COL18A1: variants seen among roughly 807,000 people sequenced by gnomAD.
COL18A1 encodes collagen alpha-1(XVIII) chain.
Under a neutral mutation model 168.0 loss-of-function variants are expected in COL18A1, and 133 were observed. The observed-to-expected ratio is 0.79, with a 90% CI of 0.69 to 0.91. The LOEUF (loss-of-function observed/expected upper bound fraction) is 0.91, where lower values mean the gene tolerates loss of function less well. Among genes scored for constraint, COL18A1 ranks in the 40% least tolerant of loss-of-function variants. COL18A1 has a pLI of 0.00. For missense variants in COL18A1, 2,126 were observed against 1,925.4 expected, an observed-to-expected ratio of 1.10 and a Z score of -1.95; for synonymous variants, 949 against 809.0, an observed-to-expected ratio of 1.17 and a Z score of -2.94.
Position 45,480,469 on chromosome 21 carries a change from C to T in COL18A1, c.1401C>T (p.Thr467=), listed in dbSNP as rs776636116. 3.1e-6 allele frequency: 5 copies of T among 1,614,162 alleles called. No individual in the cohort carries two copies. Among genetic ancestry groups the T allele is most frequent in the Non-Finnish European group, 3.4e-6 (4 of 1,180,014 alleles). ...GTCTCTCCGGCTCTTTTCCTCAGAC[C>T]TTCATTGACATGGAGGGATCTGGCT... The part of the protein sequence containing the change: ...PGPSFRHDKL[T]FIDMEGSGFG... Residue 467 remains threonine, a splice_region_variant and synonymous_variant, in exon 12 of 42, where the codon ACC becomes ACT. Coordinates refer to ENST00000651438, the MANE Select transcript of COL18A1 (RefSeq NM_001379500.1).
chr21:45,493,150 G>C lies in COL18A1; in HGVS notation c.2215-13G>C, dbSNP rs1299311124. The C allele has an allele frequency of 4.5e-6, 7 of 1,553,790 alleles. No individual in the cohort carries two copies. The highest frequency in any genetic ancestry group is 6.1e-6 in the Non-Finnish European group (7 of 1,148,902). On this transcript the variant is annotated splice_polypyrimidine_tract_variant and intron_variant, in intron 24 of 41. Coordinates refer to ENST00000651438, the MANE Select transcript of COL18A1 (RefSeq NM_001379500.1). Reference sequence around the variant, plus strand: ...CCAGCCGCTCGGGCCTCACGGCCTGGCCTCCATTCCAGGGACCTGCAGGAC... The same window carrying C: ...CCAGCCGCTCGGGCCTCACGGCCTGCCCTCCATTCCAGGGACCTGCAGGAC...
intron 2 of COL18A1, among the ~76,000 whole-genome samples, chr21:45,450,545 T>C (rs1341898131): frequency 6.6e-6 from 1 of 152,192 alleles, no homozygotes. Flanking sequence ...GTGTGGATGT[T>C]TGTACCTTTT....
Position 45,510,192 on chromosome 21 carries a change from G to T in COL18A1, c.3624G>T (p.Ser1208=). The stretch of plus-strand genomic sequence containing the variant: ...GCACCTTCCGCGCCTTCCTGTCCTC[G>T]CGCCTGCAGGACCTGTACAGCATCG... The part of the protein sequence containing the change: ...LAGTFRAFLS[S]RLQDLYSIVR... Residue 1208 remains serine, a synonymous_variant, in exon 40 of 42, where the codon TCG becomes TCT. Coordinates refer to ENST00000651438, the MANE Select transcript of COL18A1 (RefSeq NM_001379500.1). 1 of 1,599,142 alleles carries T rather than the reference G, an allele frequency of 6.3e-7. No homozygotes were observed. Among genetic ancestry groups the T allele is most frequent in the Non-Finnish European group, 8.5e-7 (1 of 1,173,852 alleles).
At chr21:45,494,656 G>A in intron 27 of COL18A1, 85 bp downstream of exon 27, 1 of 1,588,634 alleles carries the variant, frequency 6.3e-7, no homozygotes, top group African/African-American at 1.3e-5. Context: ...CTGAGCTTGT[G>A]CTGTGCGGCC....
rs1471988233 is a variant in COL18A1, at chr21:45,512,354, A to C, written c.3976A>C (p.Ile1326Leu). The C allele has an allele frequency of 1.2e-6, 2 of 1,612,730 alleles. No individual in the cohort carries two copies. Among genetic ancestry groups the C allele is most frequent in the Admixed American group, 1.7e-5 (1 of 60,014 alleles). The stretch of plus-strand genomic sequence containing the variant: ...TGCCGCGAGCTGCCATCACGCCTAC[A>C]TCGTGCTCTGCATTGAGAACAGCTT... ...QSAASCHHAY[I>L]VLCIENSFMT... Residue 1326 changes from isoleucine (I) to leucine (L), a missense_variant, in exon 42 of 42, where the codon ATC becomes CTC. Physicochemically the swap from Ile to Leu is conservative, Grantham distance 5. Transcript: ENST00000651438.
intron 2 of COL18A1, among the ~76,000 whole-genome samples, chr21:45,442,200 C>A (rs1010134233): frequency 1.3e-5 from 2 of 152,210 alleles, no homozygotes; most frequent in Non-Finnish European, 2.9e-5. Context: ...CTGGCCATGA[C>A]TGGATACCAC....
chr21:45,501,671 C>T (rs1216548407), intron 32 of COL18A1, among the ~76,000 whole-genome samples: 2 of 151,196 alleles, frequency 1.3e-5, no homozygotes, highest in East Asian at 3.9e-4. Context: ...CCGGTCACCT[C>T]CCTCTGCAGA....
chr21:45,506,088 C>G lies in COL18A1; in HGVS notation c.3216+122C>G, dbSNP rs10483080. On this transcript the variant is annotated intron_variant, in intron 37 of 41. Coordinates refer to ENST00000651438, the MANE Select transcript of COL18A1 (RefSeq NM_001379500.1). ...TGGGAGCAGGTGGCAGCCAGCGCTTCTTAAACTTTCAAACTTTTGGTAAAG... is the reference window on the plus strand; with the variant it reads ...TGGGAGCAGGTGGCAGCCAGCGCTTGTTAAACTTTCAAACTTTTGGTAAAG... The G allele has an allele frequency of 0.13, 188,530 of 1,472,470 alleles. 12,627 individuals are homozygous for G. The highest frequency in any genetic ancestry group is 0.19 in the Admixed American group (10,742 of 57,660). The allele number at this position is 1,472,470 out of a possible 1,614,324, so 91.2% of individuals were successfully genotyped here. A position where few individuals can be genotyped will look rare whatever the true frequency, so the allele number is the denominator to read the frequency against.
At chr21:45,458,989 C>T (rs950924892) in intron 2 of COL18A1, among the ~76,000 whole-genome samples, 2 of 152,202 alleles carry the variant, frequency 1.3e-5, no homozygotes, top group African/African-American at 4.8e-5. Context: ...GTGGCACAGC[C>T]TGATGGGGAC....
At chr21:45,478,197 C>T (rs548466108) in intron 8 of COL18A1, 130 bp from the exon 9 acceptor site, 6 of 1,229,934 alleles carry the variant, frequency 4.9e-6, no homozygotes, top group East Asian at 2.4e-5. Flanking sequence ...GGCGCGGGTG[C>T]GAGGACATCG....
chr21:45,432,663 T>A (rs2033994543), intron 2 of COL18A1, among the ~76,000 whole-genome samples: 1 of 152,216 alleles, frequency 6.6e-6, no homozygotes, highest in South Asian at 2.1e-4. Context: ...AATGGCCAGT[T>A]TCTGTGTGAT....
At chr21:45,500,392 GTGT>G (rs2036725570) in intron 32 of COL18A1, among the ~76,000 whole-genome samples, 2 of 126,520 alleles carry the variant, frequency 1.6e-5, no homozygotes, top group African/African-American at 7.6e-5. Flanking sequence ...TGTGTGGAGT[GTGT>G]GTATGTGGGT....
At chr21:45,470,702 G>T (rs1157554432) in intron 3 of COL18A1, among the ~76,000 whole-genome samples, 2 of 152,034 alleles carry the variant, frequency 1.3e-5, no homozygotes, top group Non-Finnish European at 2.9e-5. Flanking sequence ...GGTCAGGCTG[G>T]TCTCGAACTC....
At chr21:45,435,053 G>C (rs952173613) in intron 2 of COL18A1, among the ~76,000 whole-genome samples, 8 of 152,088 alleles carry the variant, frequency 5.3e-5, no homozygotes, top group Non-Finnish European at 1.0e-4. Context: ...ACCAAGGGCT[G>C]AAGGAAAGCC....
intron 2 of COL18A1, among the ~76,000 whole-genome samples, chr21:45,428,668 T>C (rs561482749): frequency 2.6e-5 from 4 of 152,260 alleles, no homozygotes; most frequent in South Asian, 2.1e-4. Context: ...TTTCCACCTC[T>C]GGATCGGCGG....
chr21:45,478,288 G>T (rs768139173), intron 8 of COL18A1, 39 bp from the exon 9 acceptor site: 2 of 1,613,978 alleles, frequency 1.2e-6, no homozygotes, highest in Admixed American at 1.7e-5. Flanking sequence ...CGCCGGAGGA[G>T]TCATTTCCCA....
chr21:45,453,875 G>A (rs891275091), intron 2 of COL18A1, among the ~76,000 whole-genome samples: 2 of 152,194 alleles, frequency 1.3e-5, no homozygotes, highest in Non-Finnish European at 2.9e-5. Context: ...TGGGGGGCAT[G>A]AATGTAGGGC....
intron 5 of COL18A1, among the ~76,000 whole-genome samples, 156 bp downstream of exon 5, chr21:45,475,691 G>C (rs888619758): frequency 6.6e-6 from 1 of 152,218 alleles, no homozygotes; most frequent in African/African-American, 2.4e-5. Context: ...TGCTGGGCTG[G>C]GCAGACGCTC....
At chr21:45,472,722 T>C (rs112897471) in intron 3 of COL18A1, among the ~76,000 whole-genome samples, 1,904 of 152,294 alleles carry the variant, frequency 0.013, 41 homozygotes, top group African/African-American at 0.043. Flanking sequence ...TGAGAGCCGC[T>C]GGTGCGCTCT....
Sources: allele counts gnomAD v4.1 joint callset (sites outside exome capture counted in the v4.1 genomes callset), GRCh38; gene constraint gnomAD v4.1.1; transcripts MANE v1.5; gene names NCBI Gene and HGNC (gene_info 2026-07-23, HGNC 2026-07-21).